CRISPLD2: variants seen among roughly 807,000 people sequenced by gnomAD.
CRISPLD2 encodes cysteine-rich secretory protein LCCL domain-containing 2.
Under a neutral mutation model 71.1 loss-of-function variants are expected in CRISPLD2, and 47 were observed. The ratio of observed to expected loss-of-function variants is 0.66; its 90% confidence interval spans 0.52 to 0.84. The LOEUF is 0.84. Among genes scored for constraint, CRISPLD2 ranks in the 40% least tolerant of loss-of-function variants. The pLI is 0.00. For missense variants in CRISPLD2, 830 were observed against 651.1 expected (o/e 1.27, Z -2.99); for synonymous variants, 317 against 250.1 (o/e 1.27, Z -2.52).
intron 1 of CRISPLD2, among the ~76,000 whole-genome samples, chr16:84,825,028 C>T (rs138324317): frequency 0.017 from 2,515 of 152,138 alleles, 75 homozygotes; most frequent in African/African-American, 0.058. Flanking sequence ...TGCTTGAACC[C>T]GGGAGGCGGA....
intron 1 of CRISPLD2, among the ~76,000 whole-genome samples, chr16:84,827,558 C>CTT (rs571068599): frequency 4.7e-4 from 64 of 135,904 alleles, no homozygotes; most frequent in African/African-American, 1.2e-3. Flanking sequence ...AGTGCCCTTT[C>CTT]TTTTTTTTTT....
chr16:84,838,091 T>C (rs540586695), intron 1 of CRISPLD2, among the ~76,000 whole-genome samples: 1 of 152,182 alleles, frequency 6.6e-6, no homozygotes, highest in East Asian at 1.9e-4. Flanking sequence ...AATTTGTGCC[T>C]GAGATTCACC....
In CRISPLD2 at chr16:84,838,745, G is replaced by A. The variant is rs536203123; in HGVS notation, c.240+10G>A. The stretch of plus-strand genomic sequence containing the variant: ...CAACATGGAGTACATGGTGAGCGCC[G>A]GCTCCGGCCGCAGAGGCTGGCACCG... On this transcript the variant is annotated intron_variant, in intron 2 of 14. Transcript: ENST00000262424. The A allele has an allele frequency of 1.2e-5, 19 of 1,608,246 alleles. No individual in the cohort carries two copies. The South Asian group carries it at 1.8e-4, about 15-fold the overall frequency.
Position 84,849,400 on chromosome 16 carries a change from G to T in CRISPLD2, c.375G>T (p.Gly125=). ...GAHWGRYRSP[G]FHVQSWYDEV... The stretch of plus-strand genomic sequence containing the variant: ...TGCCCTGCAGGTATCGCTCTCCGGG[G>T]TTCCATGTGCAGTCCTGGTATGACG... The change falls in exon 4 of 15, where the codon GGG becomes GGT. Residue 125 remains glycine, a synonymous_variant. Transcript: ENST00000262424. 1 of 1,613,730 alleles carries T rather than the reference G, an allele frequency of 6.2e-7. No homozygotes were observed. The highest frequency in any genetic ancestry group is 8.5e-7 in the Non-Finnish European group (1 of 1,179,698).
At chr16:84,880,948 G>A (rs545410901) in intron 13 of CRISPLD2, among the ~76,000 whole-genome samples, 8 of 152,046 alleles carry the variant, frequency 5.3e-5, no homozygotes, top group Admixed American at 1.3e-4. Flanking sequence ...CAGATGATCC[G>A]CCCACCTCTG....
At chr16:84,863,928 G>T in intron 6 of CRISPLD2, among the ~76,000 whole-genome samples, 1 of 135,008 alleles carries the variant, frequency 7.4e-6, no homozygotes, top group African/African-American at 2.9e-5. Flanking sequence ...TTGCACTCCA[G>T]CCTGGGCAAC....
intron 1 of CRISPLD2, among the ~76,000 whole-genome samples, chr16:84,834,702 C>T (rs1916572965): frequency 6.6e-6 from 1 of 152,182 alleles, no homozygotes; most frequent in South Asian, 2.1e-4. Context: ...TTTAGATTCC[C>T]ACAGTTCTGG....
intron 6 of CRISPLD2, among the ~76,000 whole-genome samples, chr16:84,865,807 G>A (rs889644632): frequency 6.6e-6 from 1 of 152,210 alleles, no homozygotes; most frequent in Non-Finnish European, 1.5e-5. Context: ...CTTTCAGGAT[G>A]AAAACTGGAA....
chr16:84,824,465 C>T (rs1401725539), intron 1 of CRISPLD2, among the ~76,000 whole-genome samples: 1 of 152,242 alleles, frequency 6.6e-6, no homozygotes, highest in Non-Finnish European at 1.5e-5. Context: ...CAAATCCCCC[C>T]AGTCCAAGAG....
intron 13 of CRISPLD2, 25 bp from the exon 14 acceptor site, chr16:84,889,205 A>G (rs1298605523): frequency 6.2e-7 from 1 of 1,613,792 alleles, no homozygotes; most frequent in Non-Finnish European, 8.5e-7. Context: ...CGCATCGCTG[A>G]TCACAGCCCT....
intron 14 of CRISPLD2, among the ~76,000 whole-genome samples, chr16:84,889,945 G>T (rs2071647010): frequency 6.6e-6 from 1 of 152,296 alleles, no homozygotes. Flanking sequence ...GTGACCCCGA[G>T]TAAGCCACCT....
chr16:84,903,858 A>G (rs1048334942), intron 14 of CRISPLD2, among the ~76,000 whole-genome samples: 4 of 152,146 alleles, frequency 2.6e-5, no homozygotes, highest in African/African-American at 9.7e-5. Flanking sequence ...TCAGATAAGA[A>G]CAGAGGGATC....
At chr16:84,824,718 G>A (rs1369381016) in intron 1 of CRISPLD2, among the ~76,000 whole-genome samples, 5 of 152,222 alleles carry the variant, frequency 3.3e-5, no homozygotes, top group South Asian at 2.1e-4. Flanking sequence ...CACGGCACCA[G>A]TGATCAGGTT....
At chr16:84,885,992 T>A (rs1331004955) in intron 13 of CRISPLD2, among the ~76,000 whole-genome samples, 1 of 152,030 alleles carries the variant, frequency 6.6e-6, no homozygotes, top group African/African-American at 2.4e-5. Context: ...CTAACGTTTT[T>A]AAATTTTTTG....
At chr16:84,892,975 CAAAAAAAA>C (rs35939092) in intron 14 of CRISPLD2, among the ~76,000 whole-genome samples, 1 of 64,946 alleles carries the variant, frequency 1.5e-5, no homozygotes, top group Non-Finnish European at 3.0e-5. Context: ...GACTCCATCT[CAAAAAAAA>C]AAAAAAAAAA....
intron 1 of CRISPLD2, among the ~76,000 whole-genome samples, chr16:84,833,737 T>C (rs963189633): frequency 6.6e-6 from 1 of 151,972 alleles, no homozygotes; most frequent in African/African-American, 2.4e-5. Context: ...GGGGGCGTGT[T>C]TGTGTTGGTG....
chr16:84,843,010 T>C (rs953456971), intron 2 of CRISPLD2, among the ~76,000 whole-genome samples: 12 of 152,158 alleles, frequency 7.9e-5, no homozygotes, highest in Non-Finnish European at 1.8e-4. Flanking sequence ...CATGCAAGAC[T>C]TAGTGCCAGT....
intron 6 of CRISPLD2, among the ~76,000 whole-genome samples, chr16:84,863,633 G>A (rs1172114679): frequency 2.6e-5 from 4 of 152,202 alleles, no homozygotes; most frequent in Non-Finnish European, 4.4e-5. Context: ...GTGAAATGTG[G>A]CCAATCATGC....
chr16:84,846,451 A>G (rs1916916612), intron 3 of CRISPLD2, among the ~76,000 whole-genome samples: 1 of 152,032 alleles, frequency 6.6e-6, no homozygotes, highest in Non-Finnish European at 1.5e-5. Flanking sequence ...ACAGGGTTTC[A>G]CCATATTGGC....
Sources: allele counts gnomAD v4.1 joint callset (sites outside exome capture counted in the v4.1 genomes callset), GRCh38; gene constraint gnomAD v4.1.1; transcripts MANE v1.5; gene names NCBI Gene and HGNC (gene_info 2026-07-23, HGNC 2026-07-21).